The following MACROD2 variants were observed in gnomAD, a reference collection of about 807,000 sequenced individuals.
MACROD2 encodes the protein mono-ADP ribosylhydrolase 2.
MACROD2 carries 36 observed loss-of-function variants against 70.4 expected under a neutral mutation model. That is an observed-to-expected ratio of 0.51 (90% CI 0.39 to 0.68). The LOEUF (loss-of-function observed/expected upper bound fraction) is 0.68, where lower values mean the gene tolerates loss of function less well. Among genes scored for constraint, MACROD2 ranks in the 30% least tolerant of loss-of-function variants. The probability of loss-of-function intolerance (pLI) is 0.00; values close to 1 mark genes in which losing one functional copy is unlikely to be tolerated. For missense variants in MACROD2, 496 were observed against 538.4 expected, an observed-to-expected ratio of 0.92 and a Z score of 0.78; for synonymous variants, 172 against 178.8, an observed-to-expected ratio of 0.96 and a Z score of 0.30.
At chr20:14,745,961 G>T (rs1436232626) in intron 5 of MACROD2, among the ~76,000 whole-genome samples, 1 of 152,104 alleles carries the variant, frequency 6.6e-6, no homozygotes, top group Non-Finnish European at 1.5e-5. Context: ...AATCTCTAGG[G>T]CTCTGAAGGA....
intron 5 of MACROD2, among the ~76,000 whole-genome samples, chr20:15,199,153 T>C (rs1377107191): frequency 6.6e-6 from 1 of 151,980 alleles, no homozygotes; most frequent in Non-Finnish European, 1.5e-5. Context: ...AGAGGATTAC[T>C]TGAGTCCAAC....
intron 8 of MACROD2, among the ~76,000 whole-genome samples, chr20:15,678,485 G>A (rs1005449390): frequency 4.6e-5 from 7 of 151,968 alleles, no homozygotes; most frequent in Non-Finnish European, 5.9e-5. Context: ...TCAGCCTCCC[G>A]AGTAGCTGGG....
chr20:15,273,731 G>A (rs1185505958), intron 6 of MACROD2, among the ~76,000 whole-genome samples: 1 of 152,170 alleles, frequency 6.6e-6, no homozygotes, highest in Non-Finnish European at 1.5e-5. Flanking sequence ...TTTGGGTGCT[G>A]TGCTTTCAGG....
At chr20:14,503,190 A>G (rs1352363619) in intron 4 of MACROD2, among the ~76,000 whole-genome samples, 1 of 152,184 alleles carries the variant, frequency 6.6e-6, no homozygotes, top group Non-Finnish European at 1.5e-5. Flanking sequence ...TCCAGCAGGC[A>G]GTCAGGCCTG....
chr20:14,996,417 C>A (rs2074950023), intron 5 of MACROD2, among the ~76,000 whole-genome samples: 1 of 152,140 alleles, frequency 6.6e-6, no homozygotes, highest in Admixed American at 6.6e-5. Flanking sequence ...AAGAGTCTTC[C>A]AGAGAGGGGA....
At chr20:15,738,633 T>C (rs2051060350) in intron 8 of MACROD2, among the ~76,000 whole-genome samples, 1 of 152,208 alleles carries the variant, frequency 6.6e-6, no homozygotes, top group African/African-American at 2.4e-5. Context: ...TATTGGCTTA[T>C]TTATAAGCAA....
intron 5 of MACROD2, among the ~76,000 whole-genome samples, chr20:15,204,793 G>T (rs536405783): frequency 2.6e-5 from 4 of 152,160 alleles, no homozygotes; most frequent in East Asian, 1.9e-4. Flanking sequence ...ATTTCTCAGA[G>T]AATTTCTATA....
chr20:15,327,569 A>C (rs1028606991), intron 6 of MACROD2, among the ~76,000 whole-genome samples: 1 of 152,110 alleles, frequency 6.6e-6, no homozygotes, highest in Non-Finnish European at 1.5e-5. Context: ...AAACCCTCAG[A>C]TCTCACGAGA....
intron 5 of MACROD2, among the ~76,000 whole-genome samples, chr20:14,832,966 C>CCTCA (rs2072988590): frequency 6.6e-6 from 1 of 152,106 alleles, no homozygotes; most frequent in South Asian, 2.1e-4. Context: ...ACCTGCCTAT[C>CCTCA]TAAGTAGCAC....
At chr20:15,640,475 G>A (rs6079915) in intron 8 of MACROD2, among the ~76,000 whole-genome samples, 1 of 152,176 alleles carries the variant, frequency 6.6e-6, no homozygotes, top group Non-Finnish European at 1.5e-5. Flanking sequence ...AGTGTCTCCA[G>A]CCCTGTGCAC....
chr20:15,791,148 C>T (rs1186745654), intron 8 of MACROD2, among the ~76,000 whole-genome samples: 1 of 151,910 alleles, frequency 6.6e-6, no homozygotes, highest in Non-Finnish European at 1.5e-5. Context: ...AGTAGTTAGT[C>T]ATTCTTCTCA....
intron 8 of MACROD2, among the ~76,000 whole-genome samples, chr20:15,665,748 T>C (rs145704842): frequency 2.3e-3 from 355 of 152,312 alleles, no homozygotes; most frequent in Middle Eastern, 0.017. Flanking sequence ...CTTATCCTGC[T>C]TTCATGTGCA....
intron 5 of MACROD2, among the ~76,000 whole-genome samples, chr20:15,134,064 A>T (rs1213774013): frequency 6.7e-6 from 1 of 149,266 alleles, no homozygotes; most frequent in African/African-American, 2.4e-5. Context: ...CCGCCACCTC[A>T]CCTGGCTAAT....
chr20:14,796,242 C>A (rs2072508372), intron 5 of MACROD2, among the ~76,000 whole-genome samples: 1 of 152,000 alleles, frequency 6.6e-6, no homozygotes, highest in South Asian at 2.1e-4. Context: ...TGAAATTGAT[C>A]CAGTGTGGTA....
chr20:14,794,335 C>T, intron 5 of MACROD2, among the ~76,000 whole-genome samples: 1 of 152,120 alleles, frequency 6.6e-6, no homozygotes, highest in Admixed American at 6.5e-5. Context: ...CAAAAGACTT[C>T]TGTTGTTACT....
chr20:15,896,878 T>C (rs2064981098), intron 10 of MACROD2, among the ~76,000 whole-genome samples: 1 of 152,184 alleles, frequency 6.6e-6, no homozygotes, highest in South Asian at 2.1e-4. Flanking sequence ...ACTAATTGAT[T>C]GGCTGTCATG....
In MACROD2 at chr20:14,642,061, C is replaced by T. The variant is rs190645825; in HGVS notation, c.302-42782C>T. ...GAAAATCTGTTAGTTAGCGTAGACA[C>T]TTTTATTAATTGTTTTAGCTAGATC... is the stretch of plus-strand genomic sequence containing the variant. On this transcript the variant is annotated intron_variant, in intron 4 of 17. Coordinates refer to ENST00000684519, the MANE Select transcript of MACROD2 (RefSeq NM_001351661.2). Among the ~76,000 whole-genome samples, 19 of 152,336 alleles carry T rather than the reference C, an allele frequency of 1.2e-4. No homozygotes were observed. In the East Asian group the frequency reaches 3.7e-3, roughly 29 times the overall value.
chr20:14,565,483 T>C (rs1568673554), intron 4 of MACROD2, among the ~76,000 whole-genome samples: 2 of 151,034 alleles, frequency 1.3e-5, no homozygotes, highest in Non-Finnish European at 3.0e-5. Flanking sequence ...AAGAATGTTA[T>C]ATAAATAGAA....
At chr20:15,902,758 C>A (rs190455431) in intron 10 of MACROD2, among the ~76,000 whole-genome samples, 1 of 152,160 alleles carries the variant, frequency 6.6e-6, no homozygotes, top group East Asian at 1.9e-4. Flanking sequence ...GTGAGTGAAC[C>A]GTCTTGGAGT....
Sources: gnomAD v4.1 joint callset for allele counts (sites outside exome capture counted in the v4.1 genomes callset) on GRCh38, gnomAD v4.1.1 for gene constraint, MANE v1.5 for transcripts, NCBI Gene and HGNC (gene_info 2026-07-23, HGNC 2026-07-21) for gene names.